Variants in LRP2 observed in about 807,000 individuals in gnomAD.
LRP2 encodes low-density lipoprotein receptor-related protein 2.
In LRP2, 172 loss-of-function variants were observed where a neutral mutation model predicts 531.0. The ratio of observed to expected loss-of-function variants is 0.32; its 90% CI spans 0.29 to 0.37. LRP2 has a LOEUF of 0.37. Ranked by LOEUF, LRP2 falls within the 10% of genes least tolerant of loss-of-function variation. The pLI is 1.00. For synonymous variants in LRP2, 1,992 were observed against 2,027.6 expected, an observed-to-expected ratio of 0.98 and a Z score of 0.47; for missense variants, 5,167 against 5,868.3, an observed-to-expected ratio of 0.88 and a Z score of 3.90.
intron 47 of LRP2, among the ~76,000 whole-genome samples, chr2:169,192,904 G>A (rs1687879846): frequency 6.6e-6 from 1 of 152,302 alleles, no homozygotes; most frequent in African/African-American, 2.4e-5. Context: ...GGTGCCATCA[G>A]ATGCAAGCAG....
chr2:169,288,537 T>C (rs1373211072), intron 9 of LRP2, among the ~76,000 whole-genome samples: 2 of 151,306 alleles, frequency 1.3e-5, no homozygotes, highest in African/African-American at 4.9e-5. Context: ...ACCTGAGCAA[T>C]GACCTGGTGA....
At chr2:169,193,952 G>C (rs889113369) in intron 46 of LRP2, 60 bp from the exon 47 acceptor site, 8 of 1,599,358 alleles carry the variant, frequency 5.0e-6, no homozygotes, top group Non-Finnish European at 6.9e-6. Context: ...GGAATCTGGA[G>C]ACAAGCTGGT....
chr2:169,311,296 G>A (rs951559255), intron 3 of LRP2, among the ~76,000 whole-genome samples: 16 of 152,124 alleles, frequency 1.1e-4, no homozygotes, highest in African/African-American at 2.7e-4. Flanking sequence ...TGATGTTAGG[G>A]TGTCAATTTT....
chr2:169,167,151 T>G (rs1448944964), intron 61 of LRP2, among the ~76,000 whole-genome samples: 1 of 152,244 alleles, frequency 6.6e-6, no homozygotes, highest in Non-Finnish European at 1.5e-5. Flanking sequence ...AGAAGAGATT[T>G]CCTAAGGACT....
chr2:169,292,369 T>C lies in LRP2; in HGVS notation c.653A>G (p.Asn218Ser). 2 of 1,604,402 alleles carry C rather than the reference T, an allele frequency of 1.2e-6. No homozygotes were observed. ...CQDGSDEHAC[N>S]YPTCGGYQFT... ...CTGGTAACCACCGCAGGTCGGATAG[T>C]CTGGAATAAAGCAACAGCTGCACTC... The change falls in exon 7 of 79, where the codon AAC becomes AGC. Residue 218 changes from asparagine (N) to serine (S), a missense_variant and splice_region_variant. Coordinates refer to ENST00000649046, the MANE Select transcript of LRP2 (RefSeq NM_004525.3).
Position 169,294,215 on chromosome 2 carries a change from A to G in LRP2, c.585T>C (p.Cys195=). The G allele has an allele frequency of 6.2e-7, 1 of 1,613,992 alleles. No individual in the cohort carries two copies. Among genetic ancestry groups the G allele is most frequent in the Non-Finnish European group, 8.5e-7 (1 of 1,179,852 alleles). Residue 195 remains cysteine (C), a synonymous_variant, in exon 6 of 79, where the codon TGT becomes TGC. Transcript: ENST00000649046. The part of the protein sequence containing the change: ...HNEFSCGNGE[C]IPRAYVCDHD... ...GGTCACAGACATAAGCACGAGGGAT[A>G]CACTCTCCATTGCCACATGAAAACT...
chr2:169,321,999 AC>A (rs1197716682), intron 1 of LRP2, among the ~76,000 whole-genome samples: 1 of 152,220 alleles, frequency 6.6e-6, no homozygotes, highest in East Asian at 1.9e-4. Flanking sequence ...AGCAGCCACT[AC>A]CAGCCCCACT....
rs371786887 is a variant in LRP2, at chr2:169,328,475, G to T, written c.80-7591C>A. Among the ~76,000 whole-genome samples the T allele has an allele frequency of 2.0e-3, 265 of 129,504 alleles. 1 individual carries two copies. Among genetic ancestry groups the T allele is most frequent in the South Asian group, 0.015 (61 of 4,030 alleles). The allele number at this position is 129,504 out of a possible 152,430, so 85.0% of individuals were successfully genotyped here. A position where few individuals can be genotyped will look rare whatever the true frequency, so the allele number is the denominator to read the frequency against. On this transcript the variant is annotated intron_variant, in intron 1 of 78. Coordinates refer to ENST00000649046, the MANE Select transcript of LRP2 (RefSeq NM_004525.3). ...AAAAAAAAAAAAAAAGAAAAAAAAA[G>T]AAATAAATAAATAAATAAATAAAAA...
At chr2:169,292,832 CAAAAAAAAA>C (rs59783436) in intron 6 of LRP2, among the ~76,000 whole-genome samples, 15 of 107,054 alleles carry the variant, frequency 1.4e-4, no homozygotes, top group East Asian at 2.7e-4. Context: ...GACCCTGTCT[CAAAAAAAAA>C]AAAAAAAAAA....
chr2:169,179,111 G>A (rs1326213385), intron 52 of LRP2, among the ~76,000 whole-genome samples: 3 of 152,076 alleles, frequency 2.0e-5, no homozygotes, highest in African/African-American at 7.2e-5. Flanking sequence ...CTGGGTTCAA[G>A]TGATCCTCCC....
At chr2:169,154,703 A>T in intron 65 of LRP2, 100 bp from the exon 66 acceptor site, 1 of 1,084,806 alleles carries the variant, frequency 9.2e-7, no homozygotes, top group Admixed American at 1.8e-5. Context: ...CTTTTTAAAG[A>T]ACATGAGTTT....
intron 70 of LRP2, among the ~76,000 whole-genome samples, chr2:169,145,057 T>C (rs1685859063): frequency 6.6e-6 from 1 of 152,244 alleles, no homozygotes; most frequent in Non-Finnish European, 1.5e-5. Flanking sequence ...GAGATGAGAA[T>C]AAAATGTCTT....
chr2:169,156,588 T>C (rs1686339360), intron 64 of LRP2, among the ~76,000 whole-genome samples, 183 bp from the exon 65 acceptor site: 1 of 152,142 alleles, frequency 6.6e-6, no homozygotes, highest in Non-Finnish European at 1.5e-5. Context: ...GCTTTTCAAA[T>C]ATTTTCCTCG....
At chr2:169,313,810 C>T (rs551441842) in intron 3 of LRP2, among the ~76,000 whole-genome samples, 1 of 152,262 alleles carries the variant, frequency 6.6e-6, no homozygotes, top group East Asian at 1.9e-4. Context: ...TGTTCCTATT[C>T]GGCCATCTTG....
In LRP2 at chr2:169,242,781, C is replaced by T. The variant is rs831040; in HGVS notation, c.3667+175G>A. Among the ~76,000 whole-genome samples, 77,780 of 152,054 alleles carry T rather than the reference C, an allele frequency of 0.51. 20,355 individuals are homozygous for T. The highest frequency in any genetic ancestry group is 0.73 in the South Asian group (3,523 of 4,820). ...ATACAACCACTTGATTTGTTAATTA[C>T]ACATTATATGGCAATGTCTACTCAA... On this transcript the variant is annotated intron_variant, in intron 24 of 78. Transcript: ENST00000649046.
At chr2:169,223,388 A>T (rs1574150573) in intron 33 of LRP2, among the ~76,000 whole-genome samples, 1 of 152,212 alleles carries the variant, frequency 6.6e-6, no homozygotes, top group East Asian at 1.9e-4. Context: ...AACCCCATTT[A>T]CTAATCAAGA....
In LRP2 at chr2:169,321,404, T is replaced by A. The variant is rs536412029; in HGVS notation, c.80-520A>T. On this transcript the variant is annotated intron_variant, in intron 1 of 78. Coordinates refer to ENST00000649046, the MANE Select transcript of LRP2 (RefSeq NM_004525.3). ...TTCTAAGTACTTAGAGAAATACTTA[T>A]AATTTAATGTAACAAAAACAAGGAC... is the stretch of plus-strand genomic sequence containing the variant. Among the ~76,000 whole-genome samples the A allele has an allele frequency of 3.8e-4, 57 of 151,098 alleles. 1 individual carries two copies. Among genetic ancestry groups the A allele is most frequent in the African/African-American group, 1.3e-3 (53 of 41,094 alleles).
chr2:169,285,701 C>T (rs948914307), intron 9 of LRP2, among the ~76,000 whole-genome samples: 3 of 152,134 alleles, frequency 2.0e-5, no homozygotes, highest in Non-Finnish European at 4.4e-5. Context: ...CTCTGCACCA[C>T]GATGTCATTC....
chr2:169,204,321 A>C, intron 41 of LRP2, 50 bp from the exon 42 acceptor site: 1 of 1,574,670 alleles, frequency 6.4e-7, no homozygotes, highest in Non-Finnish European at 8.7e-7. Flanking sequence ...AAGTGAGTTA[A>C]GTTTTCAACT....
Sources: allele counts gnomAD v4.1 joint callset (sites outside exome capture counted in the v4.1 genomes callset), GRCh38; gene constraint gnomAD v4.1.1; transcripts MANE v1.5; gene names NCBI Gene and HGNC (gene_info 2026-07-23, HGNC 2026-07-21).